Variants in PRKCH observed in about 807,000 individuals in gnomAD.
PRKCH encodes protein kinase C eta type.
PRKCH carries 28 observed loss-of-function variants against 82.5 expected under a neutral mutation model. The ratio of observed to expected loss-of-function variants is 0.34; its 90% confidence interval spans 0.25 to 0.47. The LOEUF (loss-of-function observed/expected upper bound fraction) is 0.47, where lower values mean the gene tolerates loss of function less well. Ranked by LOEUF, PRKCH falls within the 20% of genes least tolerant of loss-of-function variation. The pLI is 1.00. For synonymous variants in PRKCH, 322 were observed against 327.4 expected (o/e 0.98, Z 0.18); for missense variants, 705 against 881.8 (o/e 0.80, Z 2.54).
At chr14:61,474,724 T>C (rs1300418734) in intron 9 of PRKCH, among the ~76,000 whole-genome samples, 1 of 152,216 alleles carries the variant, frequency 6.6e-6, no homozygotes, top group Non-Finnish European at 1.5e-5. Flanking sequence ...AATTTTTTAA[T>C]AGTTTGGGAA....
At chr14:61,445,641 AG>A in intron 3 of PRKCH, 50 bp from the exon 4 acceptor site, 1 of 1,513,226 alleles carries the variant, frequency 6.6e-7, no homozygotes, top group Non-Finnish European at 9.2e-7. Flanking sequence ...GGACTATAAG[AG>A]GGTTATTGCT....
intron 1 of PRKCH, among the ~76,000 whole-genome samples, chr14:61,293,189 T>C (rs1322177199): frequency 2.0e-5 from 3 of 152,234 alleles, no homozygotes; most frequent in African/African-American, 4.8e-5. Context: ...CTAAAATGCC[T>C]GATTGACTAC....
chr14:61,405,409 C>T (rs2140224171), intron 2 of PRKCH, among the ~76,000 whole-genome samples: 1 of 150,704 alleles, frequency 6.6e-6, no homozygotes, highest in South Asian at 2.1e-4. Context: ...CGGAGTCTCA[C>T]TCTTGTCGCC....
intron 1 of PRKCH, among the ~76,000 whole-genome samples, chr14:61,382,259 A>G (rs893212760): frequency 2.6e-5 from 4 of 152,072 alleles, no homozygotes; most frequent in Non-Finnish European, 5.9e-5. Context: ...AATGAGACCT[A>G]TCTCTACAAA....
intron 2 of PRKCH, among the ~76,000 whole-genome samples, chr14:61,419,552 C>T (rs1378130998): frequency 6.6e-6 from 1 of 152,220 alleles, no homozygotes; most frequent in African/African-American, 2.4e-5. Context: ...AGCAAGATCA[C>T]CTCCAGTTGA....
intron 1 of PRKCH, among the ~76,000 whole-genome samples, chr14:61,325,469 A>T (rs1326072690): frequency 6.6e-6 from 1 of 152,220 alleles, no homozygotes; most frequent in Admixed American, 6.5e-5. Context: ...CAAAGACATT[A>T]ATTCAAAATG....
intron 1 of PRKCH, among the ~76,000 whole-genome samples, chr14:61,316,163 C>A (rs983439761): frequency 2.0e-5 from 3 of 152,084 alleles, no homozygotes; most frequent in African/African-American, 7.2e-5. Flanking sequence ...TGAACTGGTT[C>A]TTTAGGCATA....
At chr14:61,448,466 T>A (rs1884331709) in intron 4 of PRKCH, among the ~76,000 whole-genome samples, 1 of 152,164 alleles carries the variant, frequency 6.6e-6, no homozygotes, top group Admixed American at 6.5e-5. Context: ...GTTCAAGGCA[T>A]CATGCAAGGA....
chr14:61,201,098 G>A (rs2044477746), intron 1 of PRKCH, among the ~76,000 whole-genome samples: 1 of 152,080 alleles, frequency 6.6e-6, no homozygotes, highest in South Asian at 2.1e-4. Context: ...TGTGGTACTC[G>A]GAATATTCTT....
chr14:61,548,028 G>C, intron 13 of PRKCH, 142 bp downstream of exon 13: 2 of 1,049,226 alleles, frequency 1.9e-6, no homozygotes, highest in South Asian at 1.7e-5. Context: ...GCCTCCCCTG[G>C]GGGGAATCTG....
At chr14:61,421,920 T>C (rs1882856582) in intron 2 of PRKCH, among the ~76,000 whole-genome samples, 1 of 151,978 alleles carries the variant, frequency 6.6e-6, no homozygotes, top group South Asian at 2.1e-4. Flanking sequence ...GTGAGGTGGA[T>C]GGGAGAGTTA....
chr14:61,357,280 C>T (rs1401056837), intron 1 of PRKCH, among the ~76,000 whole-genome samples: 1 of 152,216 alleles, frequency 6.6e-6, no homozygotes, highest in Non-Finnish European at 1.5e-5. Context: ...TAAGGCCTCT[C>T]CACCCGCCTC....
At chr14:61,277,240 A>T (rs2045212061) in intron 1 of PRKCH, 1 of 152,110 alleles carries the variant, frequency 6.6e-6, no homozygotes, top group Non-Finnish European at 1.5e-5. Context: ...TAGTGAGCAA[A>T]TTGGTTAGTT....
chr14:61,438,783 A>G (rs7141969), intron 2 of PRKCH, among the ~76,000 whole-genome samples: 2,093 of 152,316 alleles, frequency 0.014, 52 homozygotes, highest in African/African-American at 0.047. Context: ...TGCTTTCTAA[A>G]GTTCTCAAAA....
chr14:61,343,555 T>C (rs1287595873), intron 1 of PRKCH, among the ~76,000 whole-genome samples: 1 of 152,164 alleles, frequency 6.6e-6, no homozygotes, highest in Non-Finnish European at 1.5e-5. Flanking sequence ...GGCACGATGA[T>C]AGATTTTTTT....
At chr14:61,515,580 TGGTTG>T (rs1256389987) in intron 10 of PRKCH, among the ~76,000 whole-genome samples, 1 of 152,188 alleles carries the variant, frequency 6.6e-6, no homozygotes, top group Admixed American at 6.5e-5. Flanking sequence ...GTGTTGTGGC[TGGTTG>T]GGTTTAACCA....
At chr14:61,335,067 C>G (rs936315694) in intron 1 of PRKCH, among the ~76,000 whole-genome samples, 3 of 152,000 alleles carry the variant, frequency 2.0e-5, no homozygotes, top group African/African-American at 7.3e-5. Context: ...TCTTGGCAGG[C>G]AAAGCTTTGG....
chr14:61,335,683 A>G (rs551024246), intron 1 of PRKCH, among the ~76,000 whole-genome samples: 46 of 152,300 alleles, frequency 3.0e-4, no homozygotes, highest in Non-Finnish European at 4.6e-4. Context: ...AACTCTGGAT[A>G]ATTTTGCCTA....
intron 9 of PRKCH, among the ~76,000 whole-genome samples, chr14:61,470,277 C>G (rs970694863): frequency 6.6e-6 from 1 of 151,908 alleles, no homozygotes; most frequent in Non-Finnish European, 1.5e-5. Flanking sequence ...AAGCAAGAGG[C>G]AGAATGGCAA....
Sources: gnomAD v4.1 joint callset for allele counts (sites outside exome capture counted in the v4.1 genomes callset) on GRCh38, gnomAD v4.1.1 for gene constraint, MANE v1.5 for transcripts, NCBI Gene and HGNC (gene_info 2026-07-23, HGNC 2026-07-21) for gene names.